Variants in AFF1 observed in about 807,000 individuals in gnomAD.
AFF1 encodes ALF transcription elongation factor 1.
A neutral mutation model predicts 121.7 loss-of-function variants in AFF1; 48 were observed. The observed-to-expected ratio is 0.39, with a 90% CI of 0.31 to 0.50. The LOEUF (loss-of-function observed/expected upper bound fraction) is 0.50. AFF1 is among the 20% of genes least tolerant of loss of function. The probability of loss-of-function intolerance (pLI) is 0.76; values close to 1 mark genes in which losing one functional copy is unlikely to be tolerated. For synonymous variants in AFF1, 613 were observed against 563.0 expected (o/e 1.09, Z -1.26); for missense variants, 1,523 against 1,511.7 (o/e 1.01, Z -0.12).
chr4:87,024,996 C>G (rs1006585148), intron 2 of AFF1, among the ~76,000 whole-genome samples: 1 of 152,224 alleles, frequency 6.6e-6, no homozygotes, highest in African/African-American at 2.4e-5. Flanking sequence ...CATCCCTTCA[C>G]CTCTGCTGTG....
chr4:86,980,917 A>C (rs1167576941), intron 2 of AFF1, among the ~76,000 whole-genome samples: 2 of 151,208 alleles, frequency 1.3e-5, no homozygotes, highest in African/African-American at 4.9e-5. Context: ...GCTCACGCCT[A>C]TAATCCCAGC....
chr4:87,023,732 G>C (rs1030063280), intron 2 of AFF1, among the ~76,000 whole-genome samples: 1 of 152,216 alleles, frequency 6.6e-6, no homozygotes, highest in Non-Finnish European at 1.5e-5. Flanking sequence ...GTGCCAAAAT[G>C]TCCAACATTT....
chr4:87,001,695 A>C (rs1725740682), intron 2 of AFF1, among the ~76,000 whole-genome samples: 1 of 152,224 alleles, frequency 6.6e-6, no homozygotes, highest in African/African-American at 2.4e-5. Context: ...GTGTGAAATA[A>C]GGATAGGAGG....
chr4:86,936,004 T>C (rs1399635486), intron 1 of AFF1: 1 of 152,072 alleles, frequency 6.6e-6, no homozygotes, highest in Middle Eastern at 3.2e-3. Flanking sequence ...GTAATGGTAG[T>C]TGCATTAATG....
rs1009948898 is a variant in AFF1 at position 87,038,467 on chromosome 4, G to A, written c.39-7699G>A. ...TTCATAAAGCCAATGTGTGAAAAATGTTTCCCGCATGTTAGATGGTAGGAA... is the reference window on the plus strand; with the variant it reads ...TTCATAAAGCCAATGTGTGAAAAATATTTCCCGCATGTTAGATGGTAGGAA... On this transcript the variant is annotated intron_variant, in intron 2 of 20. Coordinates refer to ENST00000395146, the MANE Select transcript of AFF1 (RefSeq NM_001166693.3). Among the ~76,000 whole-genome samples, 206 of 152,300 alleles carry A rather than the reference G, an allele frequency of 1.4e-3. 1 individual carries two copies. The highest frequency in any genetic ancestry group is 1.1e-3 in the African/African-American group (45 of 41,558).
At chr4:87,084,452 C>A (rs1723493930) in intron 5 of AFF1, among the ~76,000 whole-genome samples, 1 of 151,688 alleles carries the variant, frequency 6.6e-6, no homozygotes, top group Non-Finnish European at 1.5e-5. Context: ...CTGAGTCAGG[C>A]CTCCTGAACT....
intron 4 of AFF1, among the ~76,000 whole-genome samples, chr4:87,079,409 G>A (rs1415505016): frequency 2.0e-5 from 3 of 152,174 alleles, no homozygotes; most frequent in African/African-American, 7.2e-5. Context: ...ATCAGGCCAC[G>A]GCCAGCATTG....
chr4:86,939,943 T>C (rs1173323481), intron 1 of AFF1, among the ~76,000 whole-genome samples: 2 of 152,234 alleles, frequency 1.3e-5, no homozygotes, highest in Non-Finnish European at 2.9e-5. Flanking sequence ...TAAAAAGGTT[T>C]CTGAGTCAGA....
intron 2 of AFF1, among the ~76,000 whole-genome samples, chr4:86,985,711 A>T (rs1724198918): frequency 6.6e-6 from 1 of 152,078 alleles, no homozygotes; most frequent in Admixed American, 6.6e-5. Context: ...AATGATACTA[A>T]ATAGCAAAAT....
intron 1 of AFF1, among the ~76,000 whole-genome samples, chr4:86,941,862 A>G (rs940839183): frequency 2.0e-5 from 3 of 151,976 alleles, no homozygotes; most frequent in South Asian, 2.1e-4. Flanking sequence ...CAAAAAGACA[A>G]TTGATGCCTC....
intron 2 of AFF1, among the ~76,000 whole-genome samples, chr4:87,003,153 TTTACA>T (rs1378451428): frequency 6.6e-6 from 1 of 151,974 alleles, no homozygotes; most frequent in African/African-American, 2.4e-5. Context: ...CTCCCATGAA[TTTACA>T]TTACAAACCA....
In AFF1 at chr4:87,139,115, A is replaced by T. The variant is rs752896490; in HGVS notation, c.*3414A>T. 18 of 228,574 alleles carry T rather than the reference A, an allele frequency of 7.9e-5. No individual in the cohort carries two copies. The highest frequency in any genetic ancestry group is 1.4e-4 in the Non-Finnish European group (16 of 115,142). The allele number at this position is 228,574 out of a possible 1,614,324, so 14.2% of individuals were successfully genotyped here. On this transcript the variant is annotated 3_prime_UTR_variant, in exon 21 of 21. Coordinates refer to ENST00000395146, the MANE Select transcript of AFF1 (RefSeq NM_001166693.3). ...CTACAATTAACAAAACTTATCTCTG[A>T]TATACAAAGGGATATAAATATATAC...
chr4:87,126,041 C>A, intron 13 of AFF1, 58 bp from the exon 14 acceptor site: 1 of 1,533,340 alleles, frequency 6.5e-7, no homozygotes, highest in Non-Finnish European at 9.0e-7. Context: ...AACTAAACAA[C>A]GAAGCCGCTT....
intron 2 of AFF1, chr4:87,007,208 G>A: frequency 1.4e-6 from 2 of 1,433,028 alleles, no homozygotes; most frequent in Non-Finnish European, 1.8e-6. Context: ...ATCAGGATTA[G>A]CGCGAGCCAA....
At chr4:87,048,225 A>G (rs1283602645) in intron 4 of AFF1, among the ~76,000 whole-genome samples, 1 of 152,248 alleles carries the variant, frequency 6.6e-6, no homozygotes, top group Non-Finnish European at 1.5e-5. Context: ...GAGTGGGTAT[A>G]CGGTGACATT....
chr4:87,115,477 T>C (rs543356607), intron 12 of AFF1, among the ~76,000 whole-genome samples, 178 bp downstream of exon 12: 7 of 152,222 alleles, frequency 4.6e-5, no homozygotes, highest in African/African-American at 1.7e-4. Flanking sequence ...TGCTTCTCAT[T>C]CTGCAGATGG....
chr4:86,946,218 C>T (rs568805107), intron 1 of AFF1, among the ~76,000 whole-genome samples: 75 of 152,234 alleles, frequency 4.9e-4, no homozygotes, highest in African/African-American at 1.7e-3. Context: ...GACCACCCTA[C>T]GTAGAACCGC....
chr4:86,946,194 ATGT>A (rs1307184117), intron 1 of AFF1, among the ~76,000 whole-genome samples: 3 of 151,970 alleles, frequency 2.0e-5, no homozygotes, highest in Non-Finnish European at 2.9e-5. Context: ...CTTTGCTCAA[ATGT>A]TGTGTTCTCT....
intron 19 of AFF1, among the ~76,000 whole-genome samples, chr4:87,133,869 C>T (rs1016236069): frequency 6.6e-6 from 1 of 152,210 alleles, no homozygotes; most frequent in African/African-American, 2.4e-5. Context: ...GAGATAGAGT[C>T]TTCTGATGCA....
Sources: gnomAD v4.1 joint callset for allele counts (sites outside exome capture counted in the v4.1 genomes callset) on GRCh38, gnomAD v4.1.1 for gene constraint, MANE v1.5 for transcripts, NCBI Gene and HGNC (gene_info 2026-07-23, HGNC 2026-07-21) for gene names.